Variants in EXOC4 observed in about 807,000 individuals in gnomAD.
The protein encoded by EXOC4 is SEC8-like 1.
In EXOC4, 71 loss-of-function variants were observed where a neutral mutation model predicts 107.2. The ratio of observed to expected loss-of-function variants is 0.66; its 90% CI spans 0.55 to 0.81. The LOEUF is 0.81. Among genes scored for constraint, EXOC4 ranks in the 30% least tolerant of loss-of-function variants. The probability of loss-of-function intolerance (pLI) is 0.00; values close to 1 mark genes in which losing one functional copy is unlikely to be tolerated. For synonymous variants in EXOC4, 456 were observed against 441.2 expected, an observed-to-expected ratio of 1.03 and a Z score of -0.42; for missense variants, 1,108 against 1,189.6, an observed-to-expected ratio of 0.93 and a Z score of 1.01.
chr7:133,601,065 G>A (rs773691540), intron 9 of EXOC4, among the ~76,000 whole-genome samples: 12 of 152,166 alleles, frequency 7.9e-5, no homozygotes, highest in Non-Finnish European at 1.6e-4. Context: ...TGTACACTGC[G>A]TTGCCCAGCT....
intron 10 of EXOC4, among the ~76,000 whole-genome samples, chr7:133,680,866 C>T (rs912993973): frequency 1.3e-5 from 2 of 152,160 alleles, no homozygotes; most frequent in East Asian, 3.8e-4. Flanking sequence ...CCTTTGGAAC[C>T]TCCCCTTTCC....
chr7:133,624,686 G>A (rs1045412489), intron 9 of EXOC4, among the ~76,000 whole-genome samples: 1 of 151,908 alleles, frequency 6.6e-6, no homozygotes. Context: ...TCTGCCTCCC[G>A]GGCTCAAGCA....
chr7:133,474,882 A>G (rs560062709), intron 7 of EXOC4, among the ~76,000 whole-genome samples: 1 of 152,278 alleles, frequency 6.6e-6, no homozygotes, highest in African/African-American at 2.4e-5. Flanking sequence ...TTTATCTGAT[A>G]AAATTTTGTG....
At chr7:133,427,869 A>G (rs534187382) in intron 7 of EXOC4, among the ~76,000 whole-genome samples, 14 of 152,312 alleles carry the variant, frequency 9.2e-5, no homozygotes, top group Non-Finnish European at 1.8e-4. Context: ...CTGTGTTTTG[A>G]TAATCTGATT....
At chr7:133,880,861 T>C (rs1798951134) in intron 11 of EXOC4, among the ~76,000 whole-genome samples, 1 of 152,216 alleles carries the variant, frequency 6.6e-6, no homozygotes, top group African/African-American at 2.4e-5. Flanking sequence ...TCCATGTTTT[T>C]ATTGGCAAAT....
At chr7:133,572,565 A>T (rs1801046591) in intron 9 of EXOC4, among the ~76,000 whole-genome samples, 1 of 152,216 alleles carries the variant, frequency 6.6e-6, no homozygotes, top group Non-Finnish European at 1.5e-5. Context: ...TGTGTACAGG[A>T]AAGATTTCTA....
At chr7:133,578,637 T>G (rs535491326) in intron 9 of EXOC4, among the ~76,000 whole-genome samples, 1 of 152,328 alleles carries the variant, frequency 6.6e-6, no homozygotes, top group East Asian at 1.9e-4. Context: ...CATAAATGTA[T>G]TTATGCTTGA....
chr7:133,328,177 A>G (rs1182132545), intron 5 of EXOC4, among the ~76,000 whole-genome samples: 1 of 151,968 alleles, frequency 6.6e-6, no homozygotes, highest in Non-Finnish European at 1.5e-5. Flanking sequence ...TCCCTTTACC[A>G]ATATGTACTG....
chr7:133,364,538 A>T (rs189332797), intron 6 of EXOC4, among the ~76,000 whole-genome samples: 2 of 152,260 alleles, frequency 1.3e-5, no homozygotes, highest in East Asian at 3.9e-4. Flanking sequence ...GGGTCTATGG[A>T]CCCACATCAC....
intron 11 of EXOC4, among the ~76,000 whole-genome samples, chr7:133,852,184 A>AT (rs1798251106): frequency 6.7e-6 from 1 of 149,928 alleles, no homozygotes; most frequent in Non-Finnish European, 1.5e-5. Context: ...TAATAAATAA[A>AT]TTTTTTATTC....
intron 7 of EXOC4, among the ~76,000 whole-genome samples, chr7:133,379,376 C>T (rs1028567966): frequency 6.6e-6 from 1 of 151,860 alleles, no homozygotes; most frequent in East Asian, 1.9e-4. Flanking sequence ...ATGTATCTCT[C>T]CCCTTTTAAT....
intron 7 of EXOC4, among the ~76,000 whole-genome samples, chr7:133,402,046 T>C (rs577539503): frequency 6.6e-6 from 1 of 152,282 alleles, no homozygotes; most frequent in African/African-American, 2.4e-5. Context: ...AGAGAGCCCT[T>C]GGGGAAGCTG....
chr7:133,573,862 G>A (rs1023391620), intron 9 of EXOC4, among the ~76,000 whole-genome samples: 25 of 152,184 alleles, frequency 1.6e-4, no homozygotes, highest in Admixed American at 3.9e-4. Context: ...ATTCATTGCT[G>A]TCAGCATTGT....
At chr7:133,498,304 G>A (rs149201109) in intron 9 of EXOC4, among the ~76,000 whole-genome samples, 20 of 151,864 alleles carry the variant, frequency 1.3e-4, no homozygotes, top group African/African-American at 4.3e-4. Flanking sequence ...TGTCCCTTGC[G>A]GCTGGGCACG....
intron 10 of EXOC4, among the ~76,000 whole-genome samples, chr7:133,773,796 TG>T: frequency 6.6e-6 from 1 of 151,976 alleles, no homozygotes; most frequent in Non-Finnish European, 1.5e-5. Flanking sequence ...CTAATCTAAA[TG>T]GATTATATAG....
chr7:133,702,033 C>T lies in EXOC4; in HGVS notation c.1514+71892C>T, dbSNP rs907200931. On this transcript the variant is annotated intron_variant, in intron 10 of 17. Transcript: ENST00000253861. ...TTTTTTTTTTTGAGACAGTATCTCC[C>T]TCTGTCACCCAGGCTGGAGTACAGT... Among the ~76,000 whole-genome samples the T allele has an allele frequency of 4.3e-5, 5 of 117,136 alleles. 1 individual carries two copies. Among genetic ancestry groups the T allele is most frequent in the African/African-American group, 1.6e-4 (5 of 30,730 alleles). 76.8% of individuals were successfully genotyped at this position (117,136 alleles called of 152,430 possible). A position where few individuals can be genotyped will look rare whatever the true frequency, so the allele number is the denominator to read the frequency against.
intron 7 of EXOC4, among the ~76,000 whole-genome samples, chr7:133,412,236 C>T (rs1177007259): frequency 1.6e-5 from 2 of 128,464 alleles, no homozygotes; most frequent in Non-Finnish European, 3.2e-5. Context: ...CCAGATTGTA[C>T]AGAATTTCTG....
At chr7:133,511,244 G>A (rs1227089957) in intron 9 of EXOC4, among the ~76,000 whole-genome samples, 2 of 152,108 alleles carry the variant, frequency 1.3e-5, no homozygotes, top group African/African-American at 2.4e-5. Flanking sequence ...GAAAGGAAGT[G>A]AAATCTCAAG....
At chr7:133,420,914 T>C (rs1303614372) in intron 7 of EXOC4, among the ~76,000 whole-genome samples, 1 of 151,166 alleles carries the variant, frequency 6.6e-6, no homozygotes, top group Non-Finnish European at 1.5e-5. Context: ...TTCACTTTTG[T>C]AGTGCTGTTG....
Sources: allele counts gnomAD v4.1 joint callset (sites outside exome capture counted in the v4.1 genomes callset), GRCh38; gene constraint gnomAD v4.1.1; transcripts MANE v1.5; gene names NCBI Gene and HGNC (gene_info 2026-07-23, HGNC 2026-07-21).